Variants in CFAP410 observed in about 807,000 individuals in gnomAD.
CFAP410 encodes cilia and flagella associated protein 410, also known as cilia- and flagella-associated protein 410.
A neutral mutation model predicts 25.7 loss-of-function variants in CFAP410; 27 were observed. The ratio of observed to expected loss-of-function variants is 1.05; its 90% CI spans 0.77 to 1.45. The LOEUF (loss-of-function observed/expected upper bound fraction) is 1.45, where lower values mean the gene tolerates loss of function less well. Ranked by LOEUF, CFAP410 falls within the 40% of genes most tolerant of loss-of-function variation. CFAP410 has a pLI of 0.00. For missense variants in CFAP410, 428 were observed against 354.1 expected (o/e 1.21, Z -1.67); for synonymous variants, 178 against 158.4 (o/e 1.12, Z -0.93).
intron 6 of CFAP410, 70 bp downstream of exon 6, chr21:44,330,753 T>G: frequency 6.4e-7 from 1 of 1,551,348 alleles, no homozygotes; most frequent in Non-Finnish European, 8.7e-7. Context: ...CCATGCTCCC[T>G]CCCCACGGTT....
At chr21:44,338,862 T>C (rs1383607188) in intron 1 of CFAP410, 1 of 68,048 alleles carries the variant, frequency 1.5e-5, no homozygotes, top group African/African-American at 6.4e-5. Flanking sequence ...GGCTCCTCCC[T>C]CCGGCTCCGC....
rs757097265 is a variant in CFAP410 at position 44,330,844 on chromosome 21, G to A, written c.621C>T (p.Ala207=). ...GQFPSLSARD[A]SSSHRGRNVL... is the part of the protein sequence containing the mutation. ...TCACCCTGCCCCTGTGGCTGCTCGAGGCATCCCTGGCTGAGAGGGAAGGAA... is the reference window on the plus strand; with the variant it reads ...TCACCCTGCCCCTGTGGCTGCTCGAAGCATCCCTGGCTGAGAGGGAAGGAA... Residue 207 remains alanine, a synonymous_variant, in exon 6 of 7, where the codon GCC becomes GCT. Transcript: ENST00000339818. 21 of 1,605,886 alleles carry A rather than the reference G, an allele frequency of 1.3e-5. No homozygotes were observed. In the Admixed American group the frequency reaches 3.5e-4, roughly 27 times the overall value.
At chr21:44,333,608 A>C (rs553794524) in intron 3 of CFAP410, 6 of 399,650 alleles carry the variant, frequency 1.5e-5, no homozygotes, top group Non-Finnish European at 2.3e-5. Context: ...GGGACATATC[A>C]TGTTGCCCCA....
rs1956688552 is a variant in CFAP410 at position 44,339,360 on chromosome 21, G to A, written c.-166C>T. The A allele has an allele frequency of 2.3e-6, 1 of 426,168 alleles. No individual in the cohort carries two copies. Among genetic ancestry groups the A allele is most frequent in the African/African-American group, 2.1e-5 (1 of 48,214 alleles). The allele number at this position is 426,168 out of a possible 1,614,324, so 26.4% of individuals were successfully genotyped here. ...AGCGGGGCGACGCGAGCCCGCTGGGGCCGCTTGGGCGCCGCTGACACGTTG... is the reference window on the plus strand; with the variant it reads ...AGCGGGGCGACGCGAGCCCGCTGGGACCGCTTGGGCGCCGCTGACACGTTG... On this transcript the variant is annotated 5_prime_UTR_variant, in exon 1 of 7. Coordinates refer to ENST00000339818, the MANE Select transcript of CFAP410 (RefSeq NM_004928.3).
At chr21:44,330,402 C>T in intron 6 of CFAP410, 76 bp from the exon 7 acceptor site, 1 of 1,569,454 alleles carries the variant, frequency 6.4e-7, no homozygotes, top group Non-Finnish European at 8.7e-7. Context: ...TGGGGCCTGG[C>T]CAGCGGTGCC....
rs1405227585 is a variant in CFAP410, at chr21:44,331,884, A to G, written c.504T>C (p.Ala168=). 1 of 1,612,740 alleles carries G rather than the reference A, an allele frequency of 6.2e-7. No individual in the cohort carries two copies. Among genetic ancestry groups the G allele is most frequent in the African/African-American group, 1.3e-5 (1 of 75,038 alleles). ...CCTLSSLSSA[A]ETGRDPLDSE... The stretch of plus-strand genomic sequence containing the variant: ...TGTCCAGCGGGTCCCGGCCAGTCTC[A>G]GCAGCGGAGCTGAGGGAGCTCAGTG... The change falls in exon 5 of 7, where the codon GCT becomes GCC. Residue 168 remains alanine (A), a synonymous_variant. Coordinates refer to ENST00000339818, the MANE Select transcript of CFAP410 (RefSeq NM_004928.3).
intron 2 of CFAP410, 39 bp from the exon 3 acceptor site, chr21:44,335,843 C>G (rs1490265685): frequency 8.6e-6 from 13 of 1,512,458 alleles, no homozygotes; most frequent in African/African-American, 1.4e-5. Context: ...CATGGCACAG[C>G]AGGGCATCGC....
rs887251663 is a variant in CFAP410 at position 44,339,271 on chromosome 21, C to T, written c.-77G>A. ...CGGGTGACGACTGCGCGGCGCGTGT[C>T]TCCAGGGGCGGGGCCCGCGTCGTCA... On this transcript the variant is annotated 5_prime_UTR_variant, in exon 1 of 7. Coordinates refer to ENST00000339818, the MANE Select transcript of CFAP410 (RefSeq NM_004928.3). 1 of 948,112 alleles carries T rather than the reference C, an allele frequency of 1.1e-6. No individual in the cohort carries two copies. The highest frequency in any genetic ancestry group is 1.8e-5 in the African/African-American group (1 of 56,980). The allele number at this position is 948,112 out of a possible 1,614,324, so 58.7% of individuals were successfully genotyped here.
At chr21:44,332,970 C>G in intron 4 of CFAP410, 63 bp downstream of exon 4, 2 of 1,117,476 alleles carry the variant, frequency 1.8e-6, no homozygotes, top group Non-Finnish European at 2.6e-6. Context: ...GAAAAGAGGG[C>G]TGGGGACATC....
chr21:44,335,803 A>G lies in CFAP410; in HGVS notation c.98T>C (p.Ile33Thr). 1 of 1,587,940 alleles carries G rather than the reference A, an allele frequency of 6.3e-7. No homozygotes were observed. Among genetic ancestry groups the G allele is most frequent in the Non-Finnish European group, 8.6e-7 (1 of 1,165,862 alleles). Residue 33 changes from isoleucine to threonine, a missense_variant and splice_region_variant, in exon 3 of 7, where the codon ATC becomes ACC. Ile to Thr is a moderately conservative substitution (Grantham distance 89). Transcript: ENST00000339818. ...GCTGGGCATCTCCTGGCAAATGGAGATCTAGGAGGAAAAGAACATGACTAG... is the reference window on the plus strand; with the variant it reads ...GCTGGGCATCTCCTGGCAAATGGAGGTCTAGGAGGAAAAGAACATGACTAG... ...LNCWGSRLTDISICQEMPSLE... is the reference protein window; with the variant it reads ...LNCWGSRLTDTSICQEMPSLE...
Position 44,330,250 on chromosome 21 carries a change from C to T in CFAP410, c.719G>A (p.Gly240Asp). The change falls in exon 7 of 7, where the codon GGC becomes GAC. Residue 240 changes from glycine to aspartate, a missense_variant. Transcript: ENST00000339818. ...CCCACGCAGGGCCTGCAGCCGGCTG[C>T]CCACAGTCTGCTGCACGGCCTCCAG... ...EGLEAVQQTV[G>D]SRLQALRGEE... 6.3e-7 allele frequency: 1 copy of T among 1,599,050 alleles called. No homozygotes were observed.
At chr21:44,334,341 C>T (rs1279564348) in intron 3 of CFAP410, 1 of 447,850 alleles carries the variant, frequency 2.2e-6, no homozygotes, top group South Asian at 1.6e-5. Flanking sequence ...GGGCTGGATC[C>T]ACAGCCCCGC....
chr21:44,337,706 G>A, intron 1 of CFAP410, 39 bp from the exon 2 acceptor site: 1 of 1,590,736 alleles, frequency 6.3e-7, no homozygotes, highest in Non-Finnish European at 8.6e-7. Context: ...TTTTGTTAAA[G>A]TTGAATAAAA....
At chr21:44,331,195 G>C (rs572947409) in intron 5 of CFAP410, 1 of 534,374 alleles carries the variant, frequency 1.9e-6, no homozygotes, top group Non-Finnish European at 3.3e-6. Flanking sequence ...TTCAGGGGCA[G>C]GGTGGGGGGC....
intron 6 of CFAP410, 94 bp from the exon 7 acceptor site, chr21:44,330,420 G>C (rs544679642): frequency 1.9e-6 from 3 of 1,557,272 alleles, no homozygotes; most frequent in African/African-American, 2.7e-5. Flanking sequence ...GCCCCACCAC[G>C]GAGCGACTGG....
chr21:44,337,636 A>G lies in CFAP410; in HGVS notation c.96+13T>C, dbSNP rs753923627. The G allele has an allele frequency of 5.0e-6, 8 of 1,610,884 alleles. No homozygotes were observed. Among genetic ancestry groups the G allele is most frequent in the East Asian group, 2.2e-5 (1 of 44,888 alleles). On this transcript the variant is annotated intron_variant, in intron 2 of 6. Coordinates refer to ENST00000339818, the MANE Select transcript of CFAP410 (RefSeq NM_004928.3). ...GATCAGTGCAATACTTACATCTGTG[A>G]GGCAATACTTACATCTGTGAGGCGG...
At chr21:44,338,774 CCCGCCCCGGCTCCTCCCT>C (rs1430280630) in intron 1 of CFAP410, 2 of 134,462 alleles carry the variant, frequency 1.5e-5, no homozygotes, top group African/African-American at 5.8e-5. Flanking sequence ...CCCGCCCCGC[CCCGCCCCGGCTCCTCCCT>C]CCGGCTCCGC....
At chr21:44,332,063 A>T in intron 4 of CFAP410, 49 bp from the exon 5 acceptor site, 1 of 1,504,172 alleles carries the variant, frequency 6.6e-7, no homozygotes, top group Non-Finnish European at 9.1e-7. Flanking sequence ...ACCCACGTGC[A>T]GGCCACATGC....
At position 44,331,862 on chromosome 21, in the gene CFAP410, C is replaced by A. The variant is rs767314535; in HGVS notation, c.526G>T (p.Asp176Tyr). 2 of 1,611,750 alleles carry A rather than the reference C, an allele frequency of 1.2e-6. No homozygotes were observed. The highest frequency in any genetic ancestry group is 1.7e-6 in the Non-Finnish European group (2 of 1,179,678). Reference sequence around the variant, plus strand: ...CCTCACGTTGCCTCCTCCTCGCTGTCCAGCGGGTCCCGGCCAGTCTCAGCA... The same window carrying A: ...CCTCACGTTGCCTCCTCCTCGCTGTACAGCGGGTCCCGGCCAGTCTCAGCA... ...SAAETGRDPL[D>Y]SEEEATSGAQ... The change falls in exon 5 of 7, where the codon GAC (aspartate) becomes TAC (tyrosine). Residue 176 changes from aspartate to tyrosine, a missense_variant. Physicochemically the swap from Asp to Tyr is radical, Grantham distance 160. Transcript: ENST00000339818.
Sources: allele counts gnomAD v4.1 joint callset, GRCh38; gene constraint gnomAD v4.1.1; transcripts MANE v1.5; gene names NCBI Gene and HGNC (gene_info 2026-07-23, HGNC 2026-07-21).